Variants in BACH2 observed in about 807,000 individuals in gnomAD.
BACH2 encodes transcription regulator protein BACH2.
A neutral mutation model predicts 61.8 loss-of-function variants in BACH2; 5 were observed. The observed-to-expected ratio is 0.08, with a 90% CI of 0.04 to 0.17. The LOEUF is 0.17. Among genes scored for constraint, BACH2 ranks in the 10% least tolerant of loss-of-function variants. BACH2 has a pLI of 1.00. For missense variants in BACH2, 824 were observed against 1,091.1 expected (o/e 0.76, Z 3.45); for synonymous variants, 446 against 440.1 (o/e 1.01, Z -0.17).
intron 3 of BACH2, among the ~76,000 whole-genome samples, chr6:90,241,935 CT>C (rs565177176): frequency 0.036 from 5,025 of 139,878 alleles, 128 homozygotes; most frequent in African/African-American, 0.075. Flanking sequence ...TCCTGATTTT[CT>C]TTTTTTTTTT....
In BACH2 at chr6:90,008,776, G is replaced by T. The variant is rs1305637792; in HGVS notation, c.69C>A (p.Ile23=). ...TCCGCTGGTCATTGAGGCCCAGGAG[G>T]ATGTTGGTGCAGTGGACTGTGGACT... The part of the protein sequence containing the change: ...VYESTVHCTN[I]LLGLNDQRKK... The change falls in exon 6 of 9, where the codon ATC becomes ATA. Residue 23 remains isoleucine (I), a synonymous_variant. Coordinates refer to ENST00000257749, the MANE Select transcript of BACH2 (RefSeq NM_021813.4). The surrounding 1 kb of genome is among the most constrained non-coding windows in gnomAD (Gnocchi z 4.1). The T allele has an allele frequency of 2.5e-6, 4 of 1,614,066 alleles. No homozygotes were observed. The highest frequency in any genetic ancestry group is 3.4e-6 in the Non-Finnish European group (4 of 1,180,044).
chr6:90,014,903 C>G (rs1777974086), intron 5 of BACH2, among the ~76,000 whole-genome samples: 1 of 151,770 alleles, frequency 6.6e-6, no homozygotes, highest in South Asian at 2.1e-4. Flanking sequence ...TCTCAGGCTC[C>G]TGAGTAACTA....
At chr6:90,153,655 A>G (rs1408907089) in intron 4 of BACH2, among the ~76,000 whole-genome samples, 1 of 152,206 alleles carries the variant, frequency 6.6e-6, no homozygotes, top group Admixed American at 6.5e-5. Context: ...AGGCACATTC[A>G]TGTATTTATA....
chr6:90,120,366 T>C (rs1783573816), intron 4 of BACH2, among the ~76,000 whole-genome samples: 1 of 152,210 alleles, frequency 6.6e-6, no homozygotes, highest in African/African-American at 2.4e-5. Context: ...TTTAACAATG[T>C]GTTAAACAAA....
At chr6:89,957,503 T>C (rs1774489540) in intron 6 of BACH2, among the ~76,000 whole-genome samples, 1 of 152,064 alleles carries the variant, frequency 6.6e-6, no homozygotes, top group African/African-American at 2.4e-5. Context: ...GTACTAGAAT[T>C]ACAGGTGTAA....
chr6:90,109,617 T>C lies in BACH2; in HGVS notation c.-161-20508A>G, dbSNP rs553751641. 2.2e-4 allele frequency among the ~76,000 whole-genome samples: 34 copies of C among 152,286 alleles called. 1 individual carries two copies. In the South Asian group the frequency reaches 6.6e-3, roughly 30 times the overall value. On this transcript the variant is annotated intron_variant, in intron 4 of 8. Coordinates refer to ENST00000257749, the MANE Select transcript of BACH2 (RefSeq NM_021813.4). The stretch of plus-strand genomic sequence containing the variant: ...CCTGAACTTGTATATTCAACATGCA[T>C]CTCAAGTATAACATGGCCAAAAAAA...
At position 90,061,642 on chromosome 6, in the gene BACH2, A is replaced by G. The variant is rs886927696; in HGVS notation, c.-13+27319T>C. Reference sequence around the variant, plus strand: ...AGAGAGAAAACATAGGGACAGACTGAGCCTCAGGGCACACCAATTCAGAAA... The same window carrying G: ...AGAGAGAAAACATAGGGACAGACTGGGCCTCAGGGCACACCAATTCAGAAA... On this transcript the variant is annotated intron_variant, in intron 5 of 8. Transcript: ENST00000257749. 2.0e-5 allele frequency among the ~76,000 whole-genome samples: 3 copies of G among 152,094 alleles called. 1 individual carries two copies. The highest frequency in any genetic ancestry group is 4.4e-5 in the Non-Finnish European group (3 of 68,012).
At chr6:90,171,076 G>C (rs912276027) in intron 4 of BACH2, among the ~76,000 whole-genome samples, 2 of 151,854 alleles carry the variant, frequency 1.3e-5, no homozygotes, top group Admixed American at 1.3e-4. Flanking sequence ...ATAAGTCTTG[G>C]TGATGGGAGA....
intron 3 of BACH2, among the ~76,000 whole-genome samples, chr6:90,226,137 T>A (rs1345621544): frequency 2.0e-5 from 3 of 152,148 alleles, no homozygotes; most frequent in African/African-American, 7.2e-5. Flanking sequence ...AAACCAGGCA[T>A]CTGGAGGTGA....
intron 6 of BACH2, among the ~76,000 whole-genome samples, chr6:89,994,427 G>T (rs948762364): frequency 5.3e-5 from 8 of 152,182 alleles, no homozygotes; most frequent in Non-Finnish European, 1.2e-4. Flanking sequence ...ATGGGAAAAG[G>T]TCTTCTAACT....
intron 1 of BACH2, among the ~76,000 whole-genome samples, chr6:90,285,931 C>A (rs1471854344): frequency 6.6e-6 from 1 of 152,180 alleles, no homozygotes; most frequent in Non-Finnish European, 1.5e-5. Context: ...AATTAGCAAA[C>A]GGGAACCTCT....
intron 5 of BACH2, among the ~76,000 whole-genome samples, chr6:90,016,380 T>G (rs539216636): frequency 6.6e-6 from 1 of 152,334 alleles, no homozygotes; most frequent in East Asian, 1.9e-4. Context: ...TTTTTATGAT[T>G]CAATTTCATT....
At chr6:89,983,626 G>A (rs181531984) in intron 6 of BACH2, among the ~76,000 whole-genome samples, 3 of 152,286 alleles carry the variant, frequency 2.0e-5, no homozygotes, top group Admixed American at 1.3e-4. Flanking sequence ...CCGAGATCAC[G>A]CCATTGCACT....
chr6:90,240,766 C>G (rs1224841264), intron 3 of BACH2, among the ~76,000 whole-genome samples: 1 of 152,140 alleles, frequency 6.6e-6, no homozygotes, highest in African/African-American at 2.4e-5. Context: ...GACCAAATTC[C>G]TATCTCTTGC....
At chr6:89,961,922 TC>T (rs1178201416) in intron 6 of BACH2, among the ~76,000 whole-genome samples, 2 of 152,224 alleles carry the variant, frequency 1.3e-5, no homozygotes, top group African/African-American at 4.8e-5. Flanking sequence ...GCTTATTTCC[TC>T]CCAGTATCTA....
intron 1 of BACH2, among the ~76,000 whole-genome samples, chr6:90,293,550 G>A (rs556976120): frequency 3.3e-5 from 5 of 152,232 alleles, no homozygotes; most frequent in Non-Finnish European, 7.3e-5. Context: ...TGTGCAGACA[G>A]TGGGCCCAGA....
chr6:90,242,941 GTGATCT>G (rs1222956286), intron 3 of BACH2, among the ~76,000 whole-genome samples: 1 of 151,284 alleles, frequency 6.6e-6, no homozygotes, highest in Non-Finnish European at 1.5e-5. Context: ...GTGCAATGGC[GTGATCT>G]TGGCTCACTG....
intron 4 of BACH2, among the ~76,000 whole-genome samples, chr6:90,100,931 C>T (rs952431284): frequency 6.6e-6 from 1 of 152,166 alleles, no homozygotes; most frequent in African/African-American, 2.4e-5. Flanking sequence ...GTCTTTTAGA[C>T]TTTAACCATC....
chr6:89,980,694 A>C (rs781075267), intron 6 of BACH2, among the ~76,000 whole-genome samples: 1 of 152,222 alleles, frequency 6.6e-6, no homozygotes, highest in Non-Finnish European at 1.5e-5. Context: ...CTAACAGTGG[A>C]TCTGCAGAAC....
Sources: allele counts gnomAD v4.1 joint callset (sites outside exome capture counted in the v4.1 genomes callset), GRCh38; gene constraint gnomAD v4.1.1; non-coding constraint Gnocchi (gnomAD v3.1); transcripts MANE v1.5; gene names NCBI Gene and HGNC (gene_info 2026-07-23, HGNC 2026-07-21).